CAMKMT: variants seen among roughly 807,000 people sequenced by gnomAD.
The protein encoded by CAMKMT is calmodulin-lysine N-methyltransferase, also known as CaM KMT.
CAMKMT carries 53 observed loss-of-function variants against 48.0 expected under a neutral mutation model. The ratio of observed to expected loss-of-function variants is 1.10; its 90% confidence interval spans 0.89 to 1.39. CAMKMT has a LOEUF of 1.39. CAMKMT is among the 40% of genes most tolerant of loss of function. CAMKMT has a pLI of 0.00. For synonymous variants in CAMKMT, 165 were observed against 152.3 expected (o/e 1.08, Z -0.61); for missense variants, 428 against 402.7 (o/e 1.06, Z -0.54).
chr2:44,671,488 C>CT (rs1488702726), intron 3 of CAMKMT, among the ~76,000 whole-genome samples: 1 of 152,224 alleles, frequency 6.6e-6, no homozygotes, highest in Admixed American at 6.5e-5. Flanking sequence ...GGGCAGATGA[C>CT]TGTTTGTTGT....
intron 3 of CAMKMT, among the ~76,000 whole-genome samples, chr2:44,512,192 G>A (rs1484429713): frequency 6.6e-6 from 1 of 152,156 alleles, no homozygotes; most frequent in Non-Finnish European, 1.5e-5. Context: ...CCATGTCTAT[G>A]TAATTTTGTA....
chr2:44,574,127 G>A (rs1230372456), intron 3 of CAMKMT, among the ~76,000 whole-genome samples: 2 of 152,124 alleles, frequency 1.3e-5, no homozygotes, highest in African/African-American at 2.4e-5. Context: ...ACATGCAGAC[G>A]TGGACATAAT....
At chr2:44,685,040 C>A (rs868138978) in intron 3 of CAMKMT, among the ~76,000 whole-genome samples, 1 of 151,952 alleles carries the variant, frequency 6.6e-6, no homozygotes, top group East Asian at 1.9e-4. Flanking sequence ...ATGAATACAG[C>A]ATAACTTCAT....
chr2:44,542,941 A>T (rs537762186), intron 3 of CAMKMT, among the ~76,000 whole-genome samples: 20 of 152,266 alleles, frequency 1.3e-4, no homozygotes, highest in South Asian at 8.3e-4. Context: ...ACTTCCCTTC[A>T]TCCTCCATTC....
chr2:44,425,943 C>T (rs1421487248), intron 3 of CAMKMT, among the ~76,000 whole-genome samples: 1 of 152,120 alleles, frequency 6.6e-6, no homozygotes, highest in Admixed American at 6.6e-5. Context: ...GTTGGTCAGG[C>T]TGGTCTCGAA....
At chr2:44,516,482 A>C (rs985432999) in intron 3 of CAMKMT, among the ~76,000 whole-genome samples, 1 of 152,118 alleles carries the variant, frequency 6.6e-6, no homozygotes, top group East Asian at 1.9e-4. Context: ...TTTTTTCCCA[A>C]ATGTTAAAAA....
At chr2:44,722,176 C>CTTTTTTTTTT (rs11323950) in intron 7 of CAMKMT, among the ~76,000 whole-genome samples, 3 of 115,454 alleles carry the variant, frequency 2.6e-5, no homozygotes, top group Non-Finnish European at 3.6e-5. Context: ...TTTCTTTTTT[C>CTTTTTTTTTT]TTTTTTTTTT....
At chr2:44,427,956 C>G (rs1044706174) in intron 3 of CAMKMT, among the ~76,000 whole-genome samples, 1 of 152,134 alleles carries the variant, frequency 6.6e-6, no homozygotes, top group African/African-American at 2.4e-5. Flanking sequence ...GGGTGAATGT[C>G]TTTGGGCACT....
At chr2:44,546,154 GACAC>G (rs4039614) in intron 3 of CAMKMT, among the ~76,000 whole-genome samples, 2,975 of 129,062 alleles carry the variant, frequency 0.023, 41 homozygotes, top group South Asian at 0.077. Flanking sequence ...AGACTGCTAG[GACAC>G]ACACACACAC....
At chr2:44,751,674 A>G (rs1197216152) in intron 8 of CAMKMT, among the ~76,000 whole-genome samples, 2 of 152,208 alleles carry the variant, frequency 1.3e-5, no homozygotes, top group African/African-American at 2.4e-5. Context: ...AAGGACAGGC[A>G]TAGTGCCCCC....
chr2:44,478,209 A>G (rs897541822), intron 3 of CAMKMT, among the ~76,000 whole-genome samples: 10 of 152,222 alleles, frequency 6.6e-5, no homozygotes, highest in Non-Finnish European at 1.3e-4. Context: ...TATTTCTGCA[A>G]TAGTCAGCAT....
intron 3 of CAMKMT, among the ~76,000 whole-genome samples, chr2:44,530,302 G>A (rs1307382076): frequency 3.3e-5 from 5 of 152,202 alleles, no homozygotes; most frequent in Non-Finnish European, 7.4e-5. Context: ...TCAATAACAA[G>A]TGTGATGCTT....
intron 3 of CAMKMT, among the ~76,000 whole-genome samples, chr2:44,516,573 A>G (rs924874470): frequency 2.6e-5 from 4 of 152,150 alleles, no homozygotes; most frequent in Non-Finnish European, 5.9e-5. Context: ...ATAAAGAGAT[A>G]TACTATTAAC....
chr2:44,509,964 G>A (rs764374463), intron 3 of CAMKMT, among the ~76,000 whole-genome samples: 3 of 152,112 alleles, frequency 2.0e-5, no homozygotes, highest in Non-Finnish European at 4.4e-5. Flanking sequence ...AAATTACCCA[G>A]GCTCAGGTAT....
chr2:44,475,274 T>C (rs1320932346), intron 3 of CAMKMT, among the ~76,000 whole-genome samples: 1 of 152,146 alleles, frequency 6.6e-6, no homozygotes, highest in African/African-American at 2.4e-5. Context: ...GAATGGACCT[T>C]ATTTGAAAAG....
At chr2:44,681,384 G>A (rs1676011449) in intron 3 of CAMKMT, among the ~76,000 whole-genome samples, 2 of 152,168 alleles carry the variant, frequency 1.3e-5, no homozygotes, top group African/African-American at 4.8e-5. Context: ...TAGCTGATAG[G>A]AAGGGGGAAA....
At chr2:44,376,328 T>C (rs189672500) in intron 2 of CAMKMT, among the ~76,000 whole-genome samples, 2 of 150,246 alleles carry the variant, frequency 1.3e-5, no homozygotes, top group African/African-American at 2.4e-5. Context: ...GGCTAACACA[T>C]GAGAATAGCT....
At chr2:44,768,047 C>T (rs901788454) in intron 10 of CAMKMT, among the ~76,000 whole-genome samples, 8 of 152,166 alleles carry the variant, frequency 5.3e-5, no homozygotes, top group Admixed American at 2.6e-4. Flanking sequence ...ATGCCAGGCA[C>T]GCCCACCTCT....
intron 3 of CAMKMT, among the ~76,000 whole-genome samples, chr2:44,488,118 A>G (rs1469087279): frequency 6.6e-6 from 1 of 152,214 alleles, no homozygotes; most frequent in Non-Finnish European, 1.5e-5. Context: ...TACCAATATC[A>G]ATGACATTAA....
Sources: allele counts gnomAD v4.1 joint callset (sites outside exome capture counted in the v4.1 genomes callset), GRCh38; gene constraint gnomAD v4.1.1; transcripts MANE v1.5; gene names NCBI Gene and HGNC (gene_info 2026-07-23, HGNC 2026-07-21).